WDFY3: variants seen among roughly 807,000 people sequenced by gnomAD.
The protein encoded by WDFY3 is WD repeat and FYVE domain-containing protein 3.
A neutral mutation model predicts 409.6 loss-of-function variants in WDFY3; 66 were observed. That is an observed-to-expected ratio of 0.16 (90% CI 0.13 to 0.20). The LOEUF is 0.20. Ranked by LOEUF, WDFY3 falls within the 10% of genes least tolerant of loss-of-function variation. The pLI is 1.00. For missense variants in WDFY3, 3,031 were observed against 4,298.1 expected (o/e 0.71, Z 8.24); for synonymous variants, 1,521 against 1,537.1 (o/e 0.99, Z 0.25).
intron 2 of WDFY3, among the ~76,000 whole-genome samples, chr4:84,929,072 T>C (rs1014242272): frequency 6.6e-6 from 1 of 152,152 alleles, no homozygotes; most frequent in Non-Finnish European, 1.5e-5. Flanking sequence ...ACACTGGGCC[T>C]TTCATCTTGC....
intron 67 of WDFY3, among the ~76,000 whole-genome samples, chr4:84,674,705 T>G (rs1055056438): frequency 1.3e-5 from 2 of 148,420 alleles, no homozygotes; most frequent in Non-Finnish European, 3.0e-5. Context: ...CCGTCTCTAC[T>G]AAGAATACAA....
intron 51 of WDFY3, among the ~76,000 whole-genome samples, chr4:84,710,215 T>C (rs1177586922): frequency 1.3e-5 from 2 of 152,140 alleles, no homozygotes; most frequent in Admixed American, 6.6e-5. Flanking sequence ...AATCACTAAG[T>C]AAACAGATCC....
At chr4:84,788,569 A>AT (rs1358175593) in intron 22 of WDFY3, among the ~76,000 whole-genome samples, 1 of 152,226 alleles carries the variant, frequency 6.6e-6, no homozygotes, top group Non-Finnish European at 1.5e-5. Flanking sequence ...ATCAATGACT[A>AT]TTCCACAAGG....
In WDFY3 at chr4:84,735,172, AAT is replaced by A. The variant is rs1491275983; in HGVS notation, c.6916-54_6916-53del. On this transcript the variant is annotated intron_variant, in intron 42 of 67. Coordinates refer to ENST00000295888, the MANE Select transcript of WDFY3 (RefSeq NM_014991.6). ...AATATTTCATGGATTTCTGGAAAAA[AAT>A]AGTTAATTACCCTTGAAATTAATGC... The A allele has an allele frequency of 5.3e-6, 8 of 1,501,292 alleles. No individual in the cohort carries two copies. In the Admixed American group the frequency reaches 1.3e-4, roughly 24 times the overall value. The allele number at this position is 1,501,292 out of a possible 1,614,324, so 93.0% of individuals were successfully genotyped here. A position where few individuals can be genotyped will look rare whatever the true frequency, so the allele number is the denominator to read the frequency against.
At chr4:84,931,878 A>G (rs1272788335) in intron 2 of WDFY3, among the ~76,000 whole-genome samples, 2 of 152,156 alleles carry the variant, frequency 1.3e-5, no homozygotes, top group Non-Finnish European at 2.9e-5. Context: ...TAGTCACTCA[A>G]AGAAACTACA....
chr4:84,706,216 G>T (rs907354288), intron 53 of WDFY3, among the ~76,000 whole-genome samples: 1 of 152,142 alleles, frequency 6.6e-6, no homozygotes. Context: ...GCATATTTGT[G>T]TCCTTTTTAT....
chr4:84,732,677 T>G (rs1736798859), intron 44 of WDFY3, among the ~76,000 whole-genome samples: 1 of 152,142 alleles, frequency 6.6e-6, no homozygotes, highest in Non-Finnish European at 1.5e-5. Flanking sequence ...GTCCTCCAGG[T>G]TCTTATACGT....
chr4:84,679,049 A>G lies in WDFY3; in HGVS notation c.10017T>C (p.Ser3339=), dbSNP rs1227461258. 3 of 1,614,070 alleles carry G rather than the reference A, an allele frequency of 1.9e-6. No individual in the cohort carries two copies. The highest frequency in any genetic ancestry group is 2.5e-6 in the Non-Finnish European group (3 of 1,180,046). Residue 3339 remains serine, a synonymous_variant, in exon 65 of 68, where the codon AGT becomes AGC. Transcript: ENST00000295888. ...ATATGAAGCCGTCTTTCTCATCTAG[A>G]CTGAGCTGGTCGGACCAGCGTCTGG... ...DDSRRWSDQL[S]LDEKDGFIFV...
Position 84,794,648 on chromosome 4 carries a change from C to T in WDFY3, c.3358G>A (p.Val1120Ile), listed in dbSNP as rs769115946. Residue 1120 changes from valine (V) to isoleucine (I), a missense_variant, in exon 21 of 68, where the codon GTC (valine) becomes ATC (isoleucine). Physicochemically the swap from Val to Ile is conservative, Grantham distance 29 (BLOSUM62 3). Coordinates refer to ENST00000295888, the MANE Select transcript of WDFY3 (RefSeq NM_014991.6). ...HFSSPPNNHP[V>I]RLLTVVRRAN... ...CGGCGCACAACAGTAAGAAGTCTGA[C>T]AGGGTGGTTATTTGGAGGAGAACTA... is the stretch of plus-strand genomic sequence containing the variant. The T allele has an allele frequency of 1.1e-5, 17 of 1,613,720 alleles. No homozygotes were observed. The African/African-American group carries it at 2.1e-4, about 20-fold the overall frequency.
intron 27 of WDFY3, among the ~76,000 whole-genome samples, chr4:84,775,948 G>A (rs1425206347): frequency 6.6e-6 from 1 of 151,564 alleles, no homozygotes; most frequent in Non-Finnish European, 1.5e-5. Flanking sequence ...CTGTAATACA[G>A]AAATGTTAAA....
At chr4:84,827,863 T>C (rs72664928) in intron 9 of WDFY3, among the ~76,000 whole-genome samples, 44,366 of 151,988 alleles carry the variant, frequency 0.29, 6,749 homozygotes, top group East Asian at 0.45. Context: ...ACACCTAAAA[T>C]CCTGGTGCTT....
Position 84,737,155 on chromosome 4 carries a change from C to A in WDFY3, c.6757+29G>T, listed in dbSNP as rs757383529. 4.4e-5 allele frequency: 71 copies of A among 1,612,960 alleles called. No homozygotes were observed. In the African/African-American group the frequency reaches 8.8e-4, roughly 20 times the overall value. ...ATATATGATAGCCACATGTAAATCT[C>A]CTGGTGGTATGATCTCTGTAGGCCT... On this transcript the variant is annotated intron_variant, in intron 41 of 67. Coordinates refer to ENST00000295888, the MANE Select transcript of WDFY3 (RefSeq NM_014991.6).
At position 84,820,142 on chromosome 4, in the gene WDFY3, C is replaced by A; in HGVS notation, c.1636G>T (p.Ala546Ser). 1 of 1,607,896 alleles carries A rather than the reference C, an allele frequency of 6.2e-7. No homozygotes were observed. The highest frequency in any genetic ancestry group is 8.5e-7 in the Non-Finnish European group (1 of 1,176,350). ...GTCAAGGTCTCCATAACCAATAAAG[C>A]CAGGTGTTTTTGGTCTTCAACTGAA... The part of the protein sequence containing the change: ...NSSVEDQKHL[A>S]LLVMETLTVL... The change falls in exon 12 of 68, where the codon GCT (alanine) becomes TCT (serine). Residue 546 changes from alanine (A) to serine (S), a missense_variant. By Grantham distance (99) the Ala-to-Ser change is moderately conservative (BLOSUM62 1). Around this residue, in one of 16 missense-constraint regions of WDFY3, gnomAD observed 1,322 missense variants for 1,697.9 expected, o/e 0.78. Coordinates refer to ENST00000295888, the MANE Select transcript of WDFY3 (RefSeq NM_014991.6).
At chr4:84,923,373 C>T (rs1477211183) in intron 2 of WDFY3, among the ~76,000 whole-genome samples, 1 of 152,186 alleles carries the variant, frequency 6.6e-6, no homozygotes, top group Non-Finnish European at 1.5e-5. Context: ...CTTGACTACC[C>T]TAGCCCAAGC....
At chr4:84,865,711 C>G (rs1474135066) in intron 3 of WDFY3, among the ~76,000 whole-genome samples, 1 of 152,168 alleles carries the variant, frequency 6.6e-6, no homozygotes, top group Admixed American at 6.5e-5. Context: ...CACTGCAAAC[C>G]CCACTGGAAT....
intron 3 of WDFY3, among the ~76,000 whole-genome samples, chr4:84,883,769 G>A (rs905249898): frequency 6.6e-6 from 1 of 152,096 alleles, no homozygotes. Flanking sequence ...TTTGCTAGGA[G>A]GTTTAGCATT....
intron 4 of WDFY3, among the ~76,000 whole-genome samples, chr4:84,857,570 C>T (rs1369254613): frequency 6.6e-6 from 1 of 152,064 alleles, no homozygotes; most frequent in African/African-American, 2.4e-5. Flanking sequence ...AAAAACAAAA[C>T]AAACTTCCAG....
chr4:84,926,935 AT>A (rs1336126836), intron 2 of WDFY3, among the ~76,000 whole-genome samples: 3 of 152,202 alleles, frequency 2.0e-5, no homozygotes, highest in Non-Finnish European at 4.4e-5. Context: ...AAAGTCTTAA[AT>A]TTTTGTATGA....
intron 2 of WDFY3, among the ~76,000 whole-genome samples, chr4:84,930,647 G>A (rs1264236757): frequency 6.6e-6 from 1 of 152,042 alleles, no homozygotes; most frequent in Non-Finnish European, 1.5e-5. Context: ...AAAGTCAAAT[G>A]AAAAAAGTTT....
Sources: gnomAD v4.1 joint callset for allele counts (sites outside exome capture counted in the v4.1 genomes callset) on GRCh38, gnomAD v4.1.1 for gene constraint, gnomAD v4.1.1 regional missense constraint, MANE v1.5 for transcripts, NCBI Gene and HGNC (gene_info 2026-07-23, HGNC 2026-07-21) for gene names.